CTNNA3: variants seen among roughly 807,000 people sequenced by gnomAD.
CTNNA3 encodes catenin alpha 3.
A neutral mutation model predicts 95.7 loss-of-function variants in CTNNA3; 76 were observed. The ratio of observed to expected loss-of-function variants is 0.79; its 90% CI spans 0.66 to 0.96. CTNNA3 has a LOEUF of 0.96. Ranked by LOEUF, CTNNA3 falls within the 40% of genes least tolerant of loss-of-function variation. The probability of loss-of-function intolerance (pLI) is 0.00; values close to 1 mark genes in which losing one functional copy is unlikely to be tolerated. For synonymous variants in CTNNA3, 431 were observed against 374.4 expected (o/e 1.15, Z -1.74); for missense variants, 1,191 against 1,089.8 (o/e 1.09, Z -1.31).
At chr10:67,708,222 A>C (rs1841088438) in intron 1 of CTNNA3, among the ~76,000 whole-genome samples, 2 of 152,180 alleles carry the variant, frequency 1.3e-5, no homozygotes, top group African/African-American at 4.8e-5. Flanking sequence ...CTGTTAGTCA[A>C]TAACCTTAAC....
intron 15 of CTNNA3, among the ~76,000 whole-genome samples, chr10:65,991,336 T>C (rs1372459291): frequency 6.6e-6 from 1 of 152,126 alleles, no homozygotes; most frequent in African/African-American, 2.4e-5. Flanking sequence ...CCACTGAAAA[T>C]GTAGATTTCT....
intron 9 of CTNNA3, among the ~76,000 whole-genome samples, chr10:66,716,773 A>G (rs1848464096): frequency 1.3e-5 from 2 of 152,312 alleles, no homozygotes; most frequent in East Asian, 3.9e-4. Context: ...ATCCTAGGGA[A>G]TAATTTCAAT....
At chr10:67,078,978 C>T (rs1856891388) in intron 7 of CTNNA3, among the ~76,000 whole-genome samples, 2 of 152,158 alleles carry the variant, frequency 1.3e-5, no homozygotes, top group South Asian at 4.1e-4. Flanking sequence ...CATAATTTGG[C>T]TCCCATTAAG....
At position 66,984,846 on chromosome 10, in the gene CTNNA3, C is replaced by A. The variant is rs545789305; in HGVS notation, c.1047+195471G>T. ...AAACAGAATTAGGTAAAGACATGCC[C>A]CACAAAATACTGCCTTTTACTGACA... On this transcript the variant is annotated intron_variant, in intron 7 of 17. Transcript: ENST00000433211. Among the ~76,000 whole-genome samples, 27 of 152,212 alleles carry A rather than the reference C, an allele frequency of 1.8e-4. No homozygotes were observed. The South Asian group carries it at 5.0e-3, about 28-fold the overall frequency.
At chr10:66,350,609 T>C (rs2092559779) in intron 12 of CTNNA3, among the ~76,000 whole-genome samples, 2 of 112,906 alleles carry the variant, frequency 1.8e-5, no homozygotes, top group Non-Finnish European at 4.3e-5. Flanking sequence ...AAGGGGCTCC[T>C]GAAAAAAAAA....
chr10:67,527,174 T>C (rs1215879925), intron 4 of CTNNA3, among the ~76,000 whole-genome samples: 1 of 152,140 alleles, frequency 6.6e-6, no homozygotes, highest in Admixed American at 6.5e-5. Context: ...AGAGAATTGC[T>C]TGAGCCCAGG....
intron 6 of CTNNA3, among the ~76,000 whole-genome samples, chr10:67,204,696 C>A (rs1463535555): frequency 6.6e-6 from 1 of 152,268 alleles, no homozygotes; most frequent in South Asian, 2.1e-4. Context: ...GCCCACTGCA[C>A]AAAGCCAATT....
intron 5 of CTNNA3, among the ~76,000 whole-genome samples, chr10:67,507,664 A>G (rs1246476862): frequency 6.6e-6 from 1 of 152,188 alleles, no homozygotes; most frequent in East Asian, 1.9e-4. Context: ...AAGAACTAAT[A>G]CCAATTCTCA....
In CTNNA3 at chr10:65,988,625, A is replaced by G; in HGVS notation, c.2265+67T>C. ...AGAGTAAAAATTTAACTTTGCCTAA[A>G]TCAATGTTCTAATGGCAAAGAGCAA... On this transcript the variant is annotated intron_variant, in intron 16 of 17. Transcript: ENST00000433211. 6 of 1,317,184 alleles carry G rather than the reference A, an allele frequency of 4.6e-6. No homozygotes were observed. The South Asian group carries it at 6.2e-5, about 14-fold the overall frequency. 81.6% of individuals were successfully genotyped at this position (1,317,184 alleles called of 1,614,324 possible).
intron 7 of CTNNA3, among the ~76,000 whole-genome samples, chr10:67,047,340 T>G (rs1455606531): frequency 6.6e-6 from 1 of 152,106 alleles, no homozygotes; most frequent in African/African-American, 2.4e-5. Context: ...CCTGTGCCCC[T>G]AGGAGGAGAC....
At chr10:66,896,308 A>T (rs1033582614) in intron 7 of CTNNA3, among the ~76,000 whole-genome samples, 2 of 152,162 alleles carry the variant, frequency 1.3e-5, no homozygotes, top group Non-Finnish European at 2.9e-5. Flanking sequence ...TTATTTAAGT[A>T]GGCTAATGGA....
Position 66,612,650 on chromosome 10 carries a change from C to A in CTNNA3, c.1374+9042G>T, listed in dbSNP as rs1844367509. Among the ~76,000 whole-genome samples the A allele has an allele frequency of 1.3e-5, 2 of 152,086 alleles. 1 individual carries two copies. The highest frequency in any genetic ancestry group is 2.9e-5 in the Non-Finnish European group (2 of 67,996). ...TTGATCCCCACCACTGTGACTGTAT[C>A]ACACAACAAATAATTGTTCCACCCA... On this transcript the variant is annotated intron_variant, in intron 10 of 17. Transcript: ENST00000433211.
At chr10:67,601,706 A>G (rs1672489035) in intron 3 of CTNNA3, among the ~76,000 whole-genome samples, 1 of 152,366 alleles carries the variant, frequency 6.6e-6, no homozygotes, top group East Asian at 1.9e-4. Context: ...AAAACTATTT[A>G]AAGAAAATGT....
intron 5 of CTNNA3, among the ~76,000 whole-genome samples, chr10:67,369,722 T>C (rs911950296): frequency 7.2e-5 from 11 of 152,152 alleles, no homozygotes. Context: ...TAAAGATGCT[T>C]AACCTTTCTA....
intron 1 of CTNNA3, among the ~76,000 whole-genome samples, chr10:67,755,990 A>G (rs1369902251): frequency 6.6e-6 from 1 of 152,198 alleles, no homozygotes; most frequent in Non-Finnish European, 1.5e-5. Context: ...ATAAAAAAGA[A>G]TGAAATCCTC....
chr10:67,065,480 T>A (rs1054230572), intron 7 of CTNNA3, among the ~76,000 whole-genome samples: 1 of 152,184 alleles, frequency 6.6e-6, no homozygotes, highest in Non-Finnish European at 1.5e-5. Context: ...AAAAGTATTA[T>A]GACAGAAACT....
intron 7 of CTNNA3, among the ~76,000 whole-genome samples, chr10:67,045,878 C>G (rs1471130527): frequency 3.3e-5 from 5 of 152,148 alleles, no homozygotes. Flanking sequence ...ACCTGGTCCC[C>G]CAAATAATAA....
intron 11 of CTNNA3, among the ~76,000 whole-genome samples, chr10:66,481,627 A>G (rs1253328017): frequency 1.4e-5 from 2 of 146,884 alleles, no homozygotes; most frequent in African/African-American, 5.3e-5. Context: ...GCCTGCCACC[A>G]CGCCCGGCTA....
At chr10:67,005,475 T>G (rs1412124328) in intron 7 of CTNNA3, among the ~76,000 whole-genome samples, 1 of 152,012 alleles carries the variant, frequency 6.6e-6, no homozygotes, top group African/African-American at 2.4e-5. Flanking sequence ...TGTGATCACA[T>G]AGGCCATAGG....
Sources: allele counts gnomAD v4.1 joint callset (sites outside exome capture counted in the v4.1 genomes callset), GRCh38; gene constraint gnomAD v4.1.1; transcripts MANE v1.5; gene names NCBI Gene and HGNC (gene_info 2026-07-23, HGNC 2026-07-21).